Variants in MICB observed in about 807,000 individuals in gnomAD.
MICB encodes MHC class I polypeptide-related sequence B.
Under a neutral mutation model 34.3 loss-of-function variants are expected in MICB, and 27 were observed. The observed-to-expected ratio is 0.79, with a 90% CI of 0.58 to 1.08. MICB has a LOEUF of 1.08. Among genes scored for constraint, MICB ranks in the 50% least tolerant of loss-of-function variants. MICB has a pLI of 0.00. For synonymous variants in MICB, 153 were observed against 187.4 expected, an observed-to-expected ratio of 0.82 and a Z score of 1.50; for missense variants, 426 against 483.1, an observed-to-expected ratio of 0.88 and a Z score of 1.11.
chr6:31,506,160 G>T lies in MICB; in HGVS notation c.343G>T (p.Glu115Ter). 1 of 1,613,786 alleles carries T rather than the reference G, an allele frequency of 6.2e-7. No individual in the cohort carries two copies. Among genetic ancestry groups the T allele is most frequent in the Non-Finnish European group, 8.5e-7 (1 of 1,179,830 alleles). ...DQKGGLHSLQ[E>*]IRVCEIHEDS... Reference sequence around the variant, plus strand: ...GGGGGCAGGCTTGCATTCCCTCCAGGAGATTAGGGTCTGTGAGATCCATGA... The same window carrying T: ...GGGGGCAGGCTTGCATTCCCTCCAGTAGATTAGGGTCTGTGAGATCCATGA... The change falls in exon 3 of 6, where the codon GAG becomes TAG. Residue 115 changes from glutamate to a stop codon, truncating the protein, a stop_gained. Transcript: ENST00000252229. LOFTEE classifies it high-confidence loss of function.
chr6:31,508,313 G>A (rs1765468766), intron 5 of MICB, among the ~76,000 whole-genome samples: 1 of 152,164 alleles, frequency 6.6e-6, no homozygotes. Flanking sequence ...TTGGAGTAAG[G>A]GACAGTCAGA....
At chr6:31,497,472 C>T (rs1252549064), upstream of MICB, among the ~76,000 whole-genome samples, 2 of 151,808 alleles carry the variant, frequency 1.3e-5, no homozygotes, top group Non-Finnish European at 2.9e-5. Flanking sequence ...GAGAGGGGGC[C>T]CTGGGAGACC....
intron 1 of MICB, among the ~76,000 whole-genome samples, chr6:31,502,165 G>A (rs1049584165): frequency 9.9e-5 from 15 of 151,980 alleles, no homozygotes; most frequent in Admixed American, 2.6e-4. Flanking sequence ...GGGAAACCCC[G>A]CCTCTACTAA....
At chr6:31,503,766 T>G (rs1765126566) in intron 1 of MICB, among the ~76,000 whole-genome samples, 1 of 152,208 alleles carries the variant, frequency 6.6e-6, no homozygotes, top group Non-Finnish European at 1.5e-5. Context: ...TGGGTATATA[T>G]TTATTTCTTT....
At position 31,509,853 on chromosome 6, in the gene MICB, G is replaced by C. The variant is rs1765569467; in HGVS notation, c.1096G>C (p.Gly366Arg). 6.2e-7 allele frequency: 1 copy of C among 1,613,768 alleles called. No individual in the cohort carries two copies. The highest frequency in any genetic ancestry group is 1.3e-5 in the African/African-American group (1 of 74,982). Residue 366 changes from glycine to arginine, a missense_variant, in exon 6 of 6, where the codon GGA becomes CGA. By Grantham distance (125) the Gly-to-Arg change is moderately radical (BLOSUM62 -2). Transcript: ENST00000252229. ...TGDHRDAAQL[G>R]FQPLMSATGS... Reference sequence around the variant, plus strand: ...AGACCACAGGGATGCAGCACAGCTGGGATTTCAGCCTCTGATGTCAGCTAC... The same window carrying C: ...AGACCACAGGGATGCAGCACAGCTGCGATTTCAGCCTCTGATGTCAGCTAC...
At chr6:31,495,899 T>A (rs1271628492), upstream of MICB, among the ~76,000 whole-genome samples, 4 of 133,042 alleles carry the variant, frequency 3.0e-5, no homozygotes, top group African/African-American at 1.1e-4. Flanking sequence ...AAAAATAAAA[T>A]AAAGTAAATG....
intron 5 of MICB, among the ~76,000 whole-genome samples, chr6:31,508,585 G>C (rs1765487509): frequency 6.6e-6 from 1 of 152,134 alleles, no homozygotes. Context: ...CCCACAGCAG[G>C]GGCAGTGCAG....
chr6:31,509,232 C>A (rs1223807452), intron 5 of MICB, among the ~76,000 whole-genome samples: 2 of 152,192 alleles, frequency 1.3e-5, no homozygotes, highest in Non-Finnish European at 2.9e-5. Flanking sequence ...AGGTGCAGAT[C>A]CTGTGGCAGC....
intron 3 of MICB, among the ~76,000 whole-genome samples, chr6:31,506,807 A>G (rs1765362344): frequency 6.6e-6 from 1 of 152,020 alleles, no homozygotes; most frequent in South Asian, 2.1e-4. Context: ...CCTCAGCATC[A>G]ATGTGGGGAT....
At chr6:31,498,981 G>C (rs1462060537) in intron 1 of MICB, among the ~76,000 whole-genome samples, 1 of 150,594 alleles carries the variant, frequency 6.6e-6, no homozygotes, top group Non-Finnish European at 1.5e-5. Context: ...GGTGCTGGGG[G>C]CGGATCTCAG....
rs192165888 is a variant in MICB, at chr6:31,501,989, G to A, written c.71-3628G>A. On this transcript the variant is annotated intron_variant, in intron 1 of 5. Transcript: ENST00000252229. ...GAAGAATGTCATTGGTGTTTTGATA[G>A]CAATTGCATTGAATTTGTAGATTGC... 8.6e-3 allele frequency among the ~76,000 whole-genome samples: 1,303 copies of A among 152,248 alleles called. 20 individuals are homozygous for A. Among genetic ancestry groups the A allele is most frequent in the African/African-American group, 0.028 (1,144 of 41,526 alleles).
intron 1 of MICB, among the ~76,000 whole-genome samples, chr6:31,504,551 G>A (rs933606761): frequency 7.1e-6 from 1 of 139,974 alleles, no homozygotes; most frequent in African/African-American, 2.5e-5. Context: ...GAGCCACCAC[G>A]CCTGGCCTTC....
At position 31,507,221 on chromosome 6, in the gene MICB, G is replaced by A; in HGVS notation, c.813G>A (p.Arg271=). ...CCTACCAGACCTGGGTGGCCACCAG[G>A]ATTCGCCAAGGAGAGGAGCAGAGGT... is the stretch of plus-strand genomic sequence containing the variant. ...NGTYQTWVAT[R]IRQGEEQRFT... is the part of the protein sequence containing the mutation. Residue 271 remains arginine (R), a synonymous_variant, in exon 4 of 6, where the codon AGG becomes AGA. Transcript: ENST00000252229. The surrounding 1 kb of genome is among the most constrained non-coding windows in gnomAD (Gnocchi z 6.0). 1 of 1,614,114 alleles carries A rather than the reference G, an allele frequency of 6.2e-7. No individual in the cohort carries two copies. The highest frequency in any genetic ancestry group is 1.1e-5 in the South Asian group (1 of 91,082).
chr6:31,504,861 C>T (rs1203879590), intron 1 of MICB, among the ~76,000 whole-genome samples: 4 of 152,020 alleles, frequency 2.6e-5, no homozygotes, highest in African/African-American at 9.7e-5. Flanking sequence ...GTATATAGTA[C>T]AAATTAAGGG....
chr6:31,498,204 G>A lies in MICB; in HGVS notation c.11G>A (p.Gly4Asp), dbSNP rs778067972. 9.3e-5 allele frequency: 148 copies of A among 1,583,502 alleles called. No individual in the cohort carries two copies. Among genetic ancestry groups the A allele is most frequent in the Non-Finnish European group, 1.2e-4 (145 of 1,163,118 alleles). Residue 4 changes from glycine to aspartate, a missense_variant, in exon 1 of 6, where the codon GGC (glycine) becomes GAC (aspartate). Physicochemically the swap from Gly to Asp is moderately conservative, Grantham distance 94. Transcript: ENST00000252229. Reference protein sequence around the residue: MGLGRVLLFLAVAF... With the variant: MGLDRVLLFLAVAF... ...GGCGACGTAGGGGCCATGGGGCTGG[G>A]CCGGGTCCTGCTGTTTCTGGCCGTC...
rs575793118 is a variant in MICB, at chr6:31,510,733, A to T, written c.*824A>T. 6.6e-6 allele frequency: 1 copy of T among 152,170 alleles called. No individual in the cohort carries two copies. The highest frequency in any genetic ancestry group is 2.4e-5 in the African/African-American group (1 of 41,488). 9.4% of individuals were successfully genotyped at this position (152,170 alleles called of 1,614,324 possible). ...GCTAATTTTTGTATTTTTTGTAGAG[A>T]CGGGGTTTCGCCAAGTTGACCAGCC... On this transcript the variant is annotated 3_prime_UTR_variant, in exon 6 of 6. Coordinates refer to ENST00000252229, the MANE Select transcript of MICB (RefSeq NM_005931.5).
chr6:31,498,401 G>C, intron 1 of MICB, 138 bp downstream of exon 1: 1 of 434,024 alleles, frequency 2.3e-6, no homozygotes, highest in South Asian at 2.5e-5. Context: ...GCTGGACGCC[G>C]CCTGTTCCCG....
intron 2 of MICB, 31 bp downstream of exon 2, chr6:31,505,902 A>C: frequency 6.4e-7 from 1 of 1,565,200 alleles, no homozygotes; most frequent in Non-Finnish European, 8.7e-7. Context: ...GAGTAATGGG[A>C]GGCCTTCTCC....
chr6:31,505,628 C>G lies in MICB; in HGVS notation c.82C>G (p.Leu28Val). The change falls in exon 2 of 6, where the codon CTT (leucine) becomes GTT (valine). Residue 28 changes from leucine (L) to valine (V), a missense_variant. By Grantham distance (32) the Leu-to-Val change is conservative. Transcript: ENST00000252229. The part of the protein sequence containing the change: ...PPAAAAEPHS[L>V]RYNLMVLSQD... ...TTCCTCTTCCCCAGAGCCCCACAGT[C>G]TTCGTTACAACCTCATGGTGCTGTC... 6.2e-7 allele frequency: 1 copy of G among 1,612,518 alleles called. No homozygotes were observed. Among genetic ancestry groups the G allele is most frequent in the Non-Finnish European group, 8.5e-7 (1 of 1,179,848 alleles).
Sources: gnomAD v4.1 joint callset for allele counts (sites outside exome capture counted in the v4.1 genomes callset) on GRCh38, gnomAD v4.1.1 for gene constraint, Gnocchi (gnomAD v3.1) non-coding constraint, MANE v1.5 for transcripts, NCBI Gene and HGNC (gene_info 2026-07-23, HGNC 2026-07-21) for gene names.